The following PLCB4 variants were observed in gnomAD, a reference collection of about 807,000 sequenced individuals.
The protein encoded by PLCB4 is 1-phosphatidylinositol 4,5-bisphosphate phosphodiesterase beta-4.
PLCB4 carries 77 observed loss-of-function variants against 178.8 expected under a neutral mutation model. The ratio of observed to expected loss-of-function variants is 0.43; its 90% CI spans 0.36 to 0.52. The LOEUF (loss-of-function observed/expected upper bound fraction) is 0.52, where lower values mean the gene tolerates loss of function less well. PLCB4 is among the 20% of genes least tolerant of loss of function. PLCB4 has a pLI of 0.00. For synonymous variants in PLCB4, 496 were observed against 490.8 expected (o/e 1.01, Z -0.14); for missense variants, 1,024 against 1,453.4 (o/e 0.70, Z 4.80).
At chr20:9,428,287 T>C (rs1434535760) in intron 28 of PLCB4, among the ~76,000 whole-genome samples, 1 of 152,186 alleles carries the variant, frequency 6.6e-6, no homozygotes, top group Non-Finnish European at 1.5e-5. Context: ...ATATTCACAG[T>C]GATATCTTTC....
chr20:9,097,178 G>T (rs977930227), intron 2 of PLCB4, among the ~76,000 whole-genome samples: 4 of 148,970 alleles, frequency 2.7e-5, no homozygotes, highest in Non-Finnish European at 4.4e-5. Flanking sequence ...CAAGTGAGCT[G>T]CCTACCCCGG....
At chr20:9,388,554 A>G (rs1378118639) in intron 15 of PLCB4, among the ~76,000 whole-genome samples, 1 of 152,206 alleles carries the variant, frequency 6.6e-6, no homozygotes, top group African/African-American at 2.4e-5. Context: ...CCCTGTCTGT[A>G]CTAAAAATAC....
chr20:9,326,578 G>A (rs1045433109), intron 4 of PLCB4, among the ~76,000 whole-genome samples: 13 of 152,146 alleles, frequency 8.5e-5, no homozygotes, highest in Non-Finnish European at 1.8e-4. Flanking sequence ...ATCTGAGAAC[G>A]TGCTCTGTCG....
At chr20:9,187,284 T>C (rs2093342111) in intron 2 of PLCB4, among the ~76,000 whole-genome samples, 1 of 152,108 alleles carries the variant, frequency 6.6e-6, no homozygotes, top group Non-Finnish European at 1.5e-5. Context: ...TACTTGTCAC[T>C]TTAAAACACA....
At chr20:9,470,280 G>A (rs1468838522) in intron 36 of PLCB4, among the ~76,000 whole-genome samples, 1 of 151,692 alleles carries the variant, frequency 6.6e-6, no homozygotes, top group African/African-American at 2.4e-5. Flanking sequence ...GCAGTGAGCC[G>A]AGATCCTGCC....
chr20:9,410,531 C>T (rs987686502), intron 24 of PLCB4, among the ~76,000 whole-genome samples: 1 of 152,220 alleles, frequency 6.6e-6, no homozygotes, highest in African/African-American at 2.4e-5. Context: ...AGACAGAAGT[C>T]AAAAGCCATG....
chr20:9,286,871 A>G (rs1171997836), intron 3 of PLCB4, among the ~76,000 whole-genome samples: 1 of 151,994 alleles, frequency 6.6e-6, no homozygotes, highest in Non-Finnish European at 1.5e-5. Flanking sequence ...ATAACCAGAA[A>G]GGCTTCCATG....
intron 2 of PLCB4, among the ~76,000 whole-genome samples, chr20:9,122,110 T>A (rs1266827277): frequency 6.6e-6 from 1 of 152,164 alleles, no homozygotes; most frequent in Admixed American, 6.5e-5. Context: ...TTTTGATGTA[T>A]ACTGATAAGA....
intron 9 of PLCB4, among the ~76,000 whole-genome samples, chr20:9,366,194 C>T (rs1005312306): frequency 6.6e-6 from 1 of 151,892 alleles, no homozygotes; most frequent in Admixed American, 6.6e-5. Flanking sequence ...CAACACCATC[C>T]CTGCTAACAC....
intron 25 of PLCB4, among the ~76,000 whole-genome samples, chr20:9,414,413 G>C (rs962976406): frequency 6.6e-6 from 1 of 152,176 alleles, no homozygotes; most frequent in South Asian, 2.1e-4. Context: ...ACTGGTGCTC[G>C]GGCACTGCAT....
intron 7 of PLCB4, among the ~76,000 whole-genome samples, chr20:9,349,938 A>G (rs1301198589): frequency 1.3e-5 from 2 of 152,160 alleles, no homozygotes; most frequent in Non-Finnish European, 2.9e-5. Flanking sequence ...GGCAAAATTA[A>G]AAACTGGATG....
intron 9 of PLCB4, among the ~76,000 whole-genome samples, chr20:9,368,489 G>A (rs1263955141): frequency 2.0e-5 from 3 of 152,182 alleles, no homozygotes; most frequent in Non-Finnish European, 2.9e-5. Flanking sequence ...GTGGGCAGGG[G>A]CTGGAAGAGA....
At position 9,457,462 on chromosome 20, in the gene PLCB4, G is replaced by A. The variant is rs35285428; in HGVS notation, c.3045G>A (p.Gln1015=). The change falls in exon 34 of 40, where the codon CAG becomes CAA. Residue 1015 remains glutamine (Q), a synonymous_variant. Transcript: ENST00000378473. ...AAAAAGAAACAGAAATCAAAATTCA[G>A]ACGCTGACATCAGATCACAAATCTA... The part of the protein sequence containing the change: ...EMKKETEIKI[Q]TLTSDHKSKV... 4.0e-3 allele frequency: 6,257 copies of A among 1,555,056 alleles called. 199 individuals carry two copies. The African/African-American group carries it at 0.073, about 18-fold the overall frequency.
intron 1 of PLCB4, among the ~76,000 whole-genome samples, chr20:9,094,780 C>T (rs982688475): frequency 2.6e-5 from 4 of 152,156 alleles, no homozygotes; most frequent in Admixed American, 2.0e-4. Context: ...GTTACTATGT[C>T]ATAGATTATG....
chr20:9,237,111 AT>A (rs1259782372), intron 3 of PLCB4, among the ~76,000 whole-genome samples: 2 of 152,038 alleles, frequency 1.3e-5, no homozygotes, highest in African/African-American at 4.8e-5. Context: ...ATTATACTTT[AT>A]TTTTCCTCAC....
chr20:9,305,128 CTTT>C (rs1470090628), intron 3 of PLCB4, among the ~76,000 whole-genome samples: 1 of 149,370 alleles, frequency 6.7e-6, no homozygotes, highest in East Asian at 2.0e-4. Flanking sequence ...CCGAAAACAT[CTTT>C]TATAAGTGAA....
chr20:9,379,290 G>T (rs2036937956), intron 12 of PLCB4, among the ~76,000 whole-genome samples: 1 of 152,068 alleles, frequency 6.6e-6, no homozygotes, highest in Non-Finnish European at 1.5e-5. Context: ...TGATACCATT[G>T]CAGGGACAGC....
At chr20:9,324,878 A>T (rs966726704) in intron 4 of PLCB4, among the ~76,000 whole-genome samples, 4 of 152,252 alleles carry the variant, frequency 2.6e-5, no homozygotes, top group Admixed American at 2.0e-4. Flanking sequence ...AGCATTTTCA[A>T]AAGCTGCATT....
intron 3 of PLCB4, 141 bp from the exon 4 acceptor site, chr20:9,307,659 G>A (rs2094786665): frequency 9.7e-6 from 5 of 513,002 alleles, no homozygotes; most frequent in Non-Finnish European, 1.7e-5. Context: ...CAAGTTGGGG[G>A]TCAGACAAAG....
Sources: gnomAD v4.1 joint callset for allele counts (sites outside exome capture counted in the v4.1 genomes callset) on GRCh38, gnomAD v4.1.1 for gene constraint, MANE v1.5 for transcripts, NCBI Gene and HGNC (gene_info 2026-07-23, HGNC 2026-07-21) for gene names.